Variants in ABI1 observed in about 807,000 individuals in gnomAD.
The protein encoded by ABI1 is abl interactor 1.
ABI1 carries 14 observed loss-of-function variants against 54.6 expected under a neutral mutation model. The ratio of observed to expected loss-of-function variants is 0.26; its 90% CI spans 0.17 to 0.40. The LOEUF (loss-of-function observed/expected upper bound fraction) is 0.40, where lower values mean the gene tolerates loss of function less well. ABI1 is among the 10% of genes least tolerant of loss of function. The pLI, the probability that ABI1 is intolerant of heterozygous loss-of-function variation, is 1.00. For missense variants in ABI1, 443 were observed against 598.3 expected (o/e 0.74, Z 2.71); for synonymous variants, 194 against 209.3 (o/e 0.93, Z 0.63).
chr10:26,759,786 A>G (rs900357943), intron 7 of ABI1, among the ~76,000 whole-genome samples: 1 of 152,030 alleles, frequency 6.6e-6, no homozygotes, highest in Non-Finnish European at 1.5e-5. Context: ...AATATTTTTG[A>G]GTTTTTATTG....
chr10:26,838,972 A>G (rs755597610), intron 1 of ABI1, among the ~76,000 whole-genome samples: 3 of 152,224 alleles, frequency 2.0e-5, no homozygotes, highest in Non-Finnish European at 4.4e-5. Context: ...ACTCCAAGTC[A>G]TCATTAACTA....
chr10:26,844,474 A>G (rs1209281741), intron 1 of ABI1, among the ~76,000 whole-genome samples: 1 of 152,230 alleles, frequency 6.6e-6, no homozygotes, highest in Non-Finnish European at 1.5e-5. Context: ...CATGCACCTC[A>G]TGCCACAACA....
At chr10:26,819,028 C>A (rs2047787395) in intron 2 of ABI1, among the ~76,000 whole-genome samples, 1 of 152,126 alleles carries the variant, frequency 6.6e-6, no homozygotes, top group Admixed American at 6.6e-5. Context: ...ACACCAACAG[C>A]CCTAAGACAG....
At chr10:26,841,065 T>C (rs2049460766) in intron 1 of ABI1, among the ~76,000 whole-genome samples, 1 of 152,192 alleles carries the variant, frequency 6.6e-6, no homozygotes, top group East Asian at 1.9e-4. Flanking sequence ...ATTCCTTACA[T>C]ATCATCTATG....
At chr10:26,834,551 AC>A (rs1411906851) in intron 1 of ABI1, among the ~76,000 whole-genome samples, 6 of 27,548 alleles carry the variant, frequency 2.2e-4, no homozygotes, top group African/African-American at 4.9e-4. Context: ...CATACAAAAC[AC>A]ACACACACAC....
chr10:26,801,474 G>T (rs140847317), intron 2 of ABI1, among the ~76,000 whole-genome samples: 1 of 152,018 alleles, frequency 6.6e-6, no homozygotes, highest in Admixed American at 6.5e-5. Context: ...TTGAGCCCGG[G>T]ACGCAGAGGT....
intron 2 of ABI1, among the ~76,000 whole-genome samples, chr10:26,813,714 C>T (rs976898528): frequency 5.2e-5 from 5 of 96,252 alleles, no homozygotes; most frequent in African/African-American, 1.6e-4. Flanking sequence ...ACCCAGTGAT[C>T]GTCTTACCAA....
At chr10:26,852,112 G>C (rs1360480096) in intron 1 of ABI1, among the ~76,000 whole-genome samples, 2 of 152,046 alleles carry the variant, frequency 1.3e-5, no homozygotes, top group African/African-American at 4.8e-5. Context: ...GGGGAACATA[G>C]GAGACCCCAA....
At chr10:26,846,868 G>A (rs960797533) in intron 1 of ABI1, among the ~76,000 whole-genome samples, 2 of 151,700 alleles carry the variant, frequency 1.3e-5, no homozygotes, top group Non-Finnish European at 2.9e-5. Context: ...AAATGTTCTC[G>A]GTTAACATAT....
rs143890069 is a variant in ABI1 at position 26,808,122 on chromosome 10, C to T, written c.285+15016G>A. 1.4e-4 allele frequency among the ~76,000 whole-genome samples: 22 copies of T among 152,238 alleles called. 1 individual carries two copies. In the East Asian group the frequency reaches 4.1e-3, roughly 28 times the overall value. On this transcript the variant is annotated intron_variant, in intron 2 of 10. Transcript: ENST00000376140. ...CAAAAAAGTAGCAAACCAACCAGGG[C>T]TATTTCATTTTTAAAAGTGTATAAT...
chr10:26,777,298 T>A, intron 2 of ABI1, 57 bp from the exon 3 acceptor site: 1 of 1,409,518 alleles, frequency 7.1e-7, no homozygotes, highest in South Asian at 1.4e-5. Context: ...ATGTTTGCTA[T>A]CCATATACAC....
chr10:26,852,033 T>C (rs973264254), intron 1 of ABI1, among the ~76,000 whole-genome samples: 1 of 151,982 alleles, frequency 6.6e-6, no homozygotes, highest in Non-Finnish European at 1.5e-5. Flanking sequence ...GGGGGGAAAG[T>C]CTGTAGACCC....
chr10:26,815,130 C>T (rs574583777), intron 2 of ABI1, among the ~76,000 whole-genome samples: 1 of 152,092 alleles, frequency 6.6e-6, no homozygotes, highest in East Asian at 1.9e-4. Flanking sequence ...TTTACTTAAA[C>T]AATGTTTTAA....
rs34398117 is a variant in ABI1, at chr10:26,841,399, C to CTT, written c.118-18096_118-18095dup. Among the ~76,000 whole-genome samples, 133 of 140,202 alleles carry CTT rather than the reference C, an allele frequency of 9.5e-4. 1 individual carries two copies. The highest frequency in any genetic ancestry group is 1.5e-3 in the Non-Finnish European group (98 of 64,812). The allele number at this position is 140,202 out of a possible 152,430, so 92.0% of individuals were successfully genotyped here. A position where few individuals can be genotyped will look rare whatever the true frequency, so the allele number is the denominator to read the frequency against. ...CATATATATCAACCCACATAGTTAC[C>CTT]TTTTTTTTTTTTTTTTGGTTTGTTT... On this transcript the variant is annotated intron_variant, in intron 1 of 10. Transcript: ENST00000376140.
intron 1 of ABI1, among the ~76,000 whole-genome samples, chr10:26,851,348 ATTTTTTTT>A (rs397724445): frequency 7.4e-5 from 5 of 67,816 alleles, no homozygotes; most frequent in African/African-American, 3.2e-4. Flanking sequence ...GACTAAGCTA[ATTTTTTTT>A]TTTTTTTTTT....
intron 2 of ABI1, among the ~76,000 whole-genome samples, chr10:26,815,906 G>A (rs1164441376): frequency 2.0e-5 from 3 of 152,126 alleles, no homozygotes; most frequent in Non-Finnish European, 4.4e-5. Context: ...ACAGGATTCT[G>A]TCTCATAAAA....
rs775422208 is a variant in ABI1, at chr10:26,823,214, T to C, written c.209A>G (p.Asn70Ser). ...SVAYQINALA[N>S]NVLQLLDIQA... Reference sequence around the variant, plus strand: ...GATATCCAGCAACTGGAGTACATTGTTGGCCAATGCATTTATTTGATAAGC... The same window carrying C: ...GATATCCAGCAACTGGAGTACATTGCTGGCCAATGCATTTATTTGATAAGC... The change falls in exon 2 of 11, where the codon AAC (asparagine) becomes AGC (serine). Residue 70 changes from asparagine (N) to serine (S), a missense_variant. Asn to Ser is a conservative substitution (Grantham distance 46, BLOSUM62 1). Transcript: ENST00000376140. 4 of 1,606,580 alleles carry C rather than the reference T, an allele frequency of 2.5e-6. No homozygotes were observed. In the South Asian group the frequency reaches 4.5e-5, roughly 18 times the overall value.
chr10:26,795,697 T>G (rs151206311), intron 2 of ABI1, among the ~76,000 whole-genome samples: 120 of 151,522 alleles, frequency 7.9e-4, no homozygotes, highest in African/African-American at 2.8e-3. Context: ...CCGAGAAGGT[T>G]AAAGATTTGT....
chr10:26,785,200 C>A (rs962386552), intron 2 of ABI1, among the ~76,000 whole-genome samples: 1 of 152,102 alleles, frequency 6.6e-6, no homozygotes, highest in African/African-American at 2.4e-5. Flanking sequence ...AGAAATCTTA[C>A]CAGAAGCCAA....
Sources: allele counts gnomAD v4.1 joint callset (sites outside exome capture counted in the v4.1 genomes callset), GRCh38; gene constraint gnomAD v4.1.1; transcripts MANE v1.5; gene names NCBI Gene and HGNC (gene_info 2026-07-23, HGNC 2026-07-21).